Variants in SAG observed in about 807,000 individuals in gnomAD.
SAG encodes the protein S-antigen visual arrestin.
A neutral mutation model predicts 55.0 loss-of-function variants in SAG; 45 were observed. That is an observed-to-expected ratio of 0.82 (90% confidence interval 0.64 to 1.05). SAG has a LOEUF of 1.05. Among genes scored for constraint, SAG ranks in the 50% least tolerant of loss-of-function variants. The pLI is 0.00. For synonymous variants in SAG, 189 were observed against 197.4 expected, an observed-to-expected ratio of 0.96 and a Z score of 0.36; for missense variants, 455 against 512.1, an observed-to-expected ratio of 0.89 and a Z score of 1.08.
chr2:233,316,606 C>T (rs926527818), intron 3 of SAG, among the ~76,000 whole-genome samples: 22 of 151,990 alleles, frequency 1.4e-4, no homozygotes, highest in Non-Finnish European at 2.5e-4. Flanking sequence ...CCACTGTGTC[C>T]GGCTGGAAAG....
In SAG at chr2:233,318,306, A is replaced by G. The variant is rs573675230; in HGVS notation, c.137-445A>G. ...CAGCCTCCTGAGTAGTTGGGACTAC[A>G]GGCATGTACCACCACACCCAGCTAA... is the stretch of plus-strand genomic sequence containing the variant. On this transcript the variant is annotated intron_variant, in intron 3 of 15. Transcript: ENST00000409110. Among the ~76,000 whole-genome samples, 59 of 152,166 alleles carry G rather than the reference A, an allele frequency of 3.9e-4. 1 individual carries two copies. The highest frequency in any genetic ancestry group is 4.6e-4 in the Non-Finnish European group (31 of 67,996).
rs1700301350 is a variant in SAG at position 233,319,062 on chromosome 2, T to C, written c.181+267T>C. ...AGATGGTAGACGGAGCCCAGGTCTG[T>C]GGCCCCCATTCCTGTTTGCTCGCCC... On this transcript the variant is annotated intron_variant, in intron 4 of 15. Transcript: ENST00000409110. This position sits in a 1 kb window ranked among gnomAD's most constrained non-coding sequence, Gnocchi z 4.4. The C allele has an allele frequency of 1.5e-6, 1 of 652,608 alleles. No homozygotes were observed. Among genetic ancestry groups the C allele is most frequent in the Non-Finnish European group, 2.9e-6 (1 of 342,182 alleles). The allele number at this position is 652,608 out of a possible 1,614,324, so 40.4% of individuals were successfully genotyped here.
In SAG at chr2:233,314,074, T is replaced by G. The variant is rs944558659; in HGVS notation, c.76-2001T>G. Among the ~76,000 whole-genome samples, 3 of 151,702 alleles carry G rather than the reference T, an allele frequency of 2.0e-5. No homozygotes were observed. The East Asian group carries it at 5.8e-4, about 29-fold the overall frequency. On this transcript the variant is annotated intron_variant, in intron 2 of 15. Coordinates refer to ENST00000409110, the MANE Select transcript of SAG (RefSeq NM_000541.5). ...GTCTCTACAAAAAAATATAAAAAATTAGCTGGGCATGGTGGCGTGCATCTG... is the reference window on the plus strand; with the variant it reads ...GTCTCTACAAAAAAATATAAAAAATGAGCTGGGCATGGTGGCGTGCATCTG...
intron 5 of SAG, 124 bp from the exon 6 acceptor site, chr2:233,322,822 G>C (rs1457461555): frequency 8.9e-6 from 6 of 675,996 alleles, no homozygotes; most frequent in Admixed American, 8.5e-5. Flanking sequence ...AGGAGTATAG[G>C]TGAATGTGAT....
chr2:233,335,363 T>TAC (rs1263159220), intron 11 of SAG, among the ~76,000 whole-genome samples: 189 of 152,328 alleles, frequency 1.2e-3, no homozygotes, highest in African/African-American at 4.2e-3. Flanking sequence ...CACCTTGAGT[T>TAC]CTCTGAGAAC....
intron 12 of SAG, 48 bp downstream of exon 12, chr2:233,338,801 A>G (rs370030138): frequency 2.0e-6 from 3 of 1,511,604 alleles, no homozygotes; most frequent in Non-Finnish European, 2.8e-6. Flanking sequence ...CTGGTCTTAG[A>G]TGGTCTGAAC....
rs543174927 is a variant in SAG, at chr2:233,331,426, G to A, written c.734-214G>A. 4 of 604,280 alleles carry A rather than the reference G, an allele frequency of 6.6e-6. No individual in the cohort carries two copies. In the East Asian group the frequency reaches 8.5e-5, roughly 13 times the overall value. 37.4% of individuals were successfully genotyped at this position (604,280 alleles called of 1,614,324 possible). ...GCCTTAGGGGACATGGGTGGGAGTT[G>A]ATACAGAGCAGGTTATGGGTGACCA... is the stretch of plus-strand genomic sequence containing the variant. On this transcript the variant is annotated intron_variant, in intron 9 of 15. Transcript: ENST00000409110.
chr2:233,311,873 C>G (rs1490817604), intron 2 of SAG, among the ~76,000 whole-genome samples: 2 of 152,188 alleles, frequency 1.3e-5, no homozygotes, highest in Non-Finnish European at 2.9e-5. Context: ...TGCCTGTAAT[C>G]CCAGCACTTT....
At chr2:233,333,562 G>C (rs1162621059) in intron 10 of SAG, 1 of 152,202 alleles carries the variant, frequency 6.6e-6, no homozygotes. Flanking sequence ...GGCTTCTGGG[G>C]CTTTAGTGGG....
Position 233,309,142 on chromosome 2 carries a change from C to T in SAG, c.-28-20C>T, listed in dbSNP as rs370947860. 1.3e-6 allele frequency: 2 copies of T among 1,492,242 alleles called. No individual in the cohort carries two copies. Among genetic ancestry groups the T allele is most frequent in the African/African-American group, 2.8e-5 (2 of 72,468 alleles). The allele number at this position is 1,492,242 out of a possible 1,614,324, so 92.4% of individuals were successfully genotyped here. A position where few individuals can be genotyped will look rare whatever the true frequency, so the allele number is the denominator to read the frequency against. Reference sequence around the variant, plus strand: ...GTCTTACCTTTCTCCAACCCTCTAACACCTGACCAACACCCCAAGGTGGTA... The same window carrying T: ...GTCTTACCTTTCTCCAACCCTCTAATACCTGACCAACACCCCAAGGTGGTA... On this transcript the variant is annotated intron_variant, in intron 1 of 15. Transcript: ENST00000409110.
intron 8 of SAG, chr2:233,329,132 G>T: frequency 3.3e-6 from 1 of 304,476 alleles, no homozygotes; most frequent in East Asian, 9.5e-5. Context: ...TGCACTGTGT[G>T]TATACACGTG....
intron 5 of SAG, among the ~76,000 whole-genome samples, chr2:233,322,721 C>G (rs923364956): frequency 1.3e-4 from 20 of 152,148 alleles, no homozygotes; most frequent in Admixed American, 1.2e-3. Flanking sequence ...GGCGACAGAG[C>G]AAGACTCCAT....
intron 2 of SAG, 141 bp downstream of exon 2, chr2:233,309,405 C>G (rs1008327661): frequency 1.6e-5 from 11 of 693,732 alleles, no homozygotes; most frequent in Middle Eastern, 4.0e-4. Context: ...AATCCCAGCA[C>G]TTTGGGAGGC....
At position 233,342,305 on chromosome 2, in the gene SAG, C is replaced by G; in HGVS notation, c.1081C>G (p.His361Asp). 6.2e-7 allele frequency: 1 copy of G among 1,608,492 alleles called. No individual in the cohort carries two copies. The highest frequency in any genetic ancestry group is 1.1e-5 in the South Asian group (1 of 89,924). ...VATEVPFRLM[H>D]PQPEDPAKES... ...CACTGAGGTCCCATTCCGCCTCATGCACCCTCAGCCTGAGGACCCAGGTCA... is the reference window on the plus strand; with the variant it reads ...CACTGAGGTCCCATTCCGCCTCATGGACCCTCAGCCTGAGGACCCAGGTCA... Residue 361 changes from histidine (H) to aspartate (D), a missense_variant, in exon 14 of 16, where the codon CAC becomes GAC. By Grantham distance (81) the His-to-Asp change is moderately conservative. Coordinates refer to ENST00000409110, the MANE Select transcript of SAG (RefSeq NM_000541.5).
At chr2:233,334,866 A>T in intron 10 of SAG, 96 bp from the exon 11 acceptor site, 1 of 1,438,500 alleles carries the variant, frequency 7.0e-7, no homozygotes, top group East Asian at 2.3e-5. Context: ...CCATCAGGGG[A>T]TGTGGATCCT....
At chr2:233,332,292 A>C (rs1459785012) in intron 10 of SAG, 1 of 153,940 alleles carries the variant, frequency 6.5e-6, no homozygotes, top group Non-Finnish European at 1.4e-5. Flanking sequence ...AAATAGATTC[A>C]TTTAATACAT....
At chr2:233,345,212 T>C (rs2125355476) in intron 14 of SAG, 1 of 152,336 alleles carries the variant, frequency 6.6e-6, no homozygotes, top group African/African-American at 2.4e-5. Context: ...ATACAACACA[T>C]GTGAAAACAT....
intron 7 of SAG, chr2:233,327,846 G>T (rs544740796): frequency 6.6e-6 from 1 of 152,584 alleles, no homozygotes; most frequent in Non-Finnish European, 1.5e-5. Context: ...CACTGTGCCC[G>T]GCCCATTTTA....
chr2:233,322,185 CAAA>C (rs35197599), intron 5 of SAG, among the ~76,000 whole-genome samples: 7,309 of 65,650 alleles, frequency 0.11, 156 homozygotes, highest in African/African-American at 0.18. Flanking sequence ...GACTCTGTCT[CAAA>C]AAAAAAAAAA....
Sources: allele counts gnomAD v4.1 joint callset (sites outside exome capture counted in the v4.1 genomes callset), GRCh38; gene constraint gnomAD v4.1.1; non-coding constraint Gnocchi (gnomAD v3.1); transcripts MANE v1.5; gene names NCBI Gene and HGNC (gene_info 2026-07-23, HGNC 2026-07-21).